Variants in ATXN7L1 observed in about 807,000 individuals in gnomAD.
ATXN7L1 encodes the protein ataxin 7 like 1.
In ATXN7L1, 15 loss-of-function variants were observed where a neutral mutation model predicts 70.8. That is an observed-to-expected ratio of 0.21 (90% CI 0.14 to 0.33). The LOEUF is 0.33. ATXN7L1 is among the 10% of genes least tolerant of loss of function. The pLI, the probability that ATXN7L1 is intolerant of heterozygous loss-of-function variation, is 1.00. For synonymous variants in ATXN7L1, 440 were observed against 445.1 expected (o/e 0.99, Z 0.14); for missense variants, 975 against 1,097.1 (o/e 0.89, Z 1.57).
chr7:105,831,183 C>A (rs1343312184), intron 2 of ATXN7L1, among the ~76,000 whole-genome samples: 1 of 152,222 alleles, frequency 6.6e-6, no homozygotes, highest in Non-Finnish European at 1.5e-5. Context: ...AAGCTCCACC[C>A]TGCCTGACCA....
chr7:105,831,849 G>T (rs963326415), intron 2 of ATXN7L1, among the ~76,000 whole-genome samples: 1 of 152,200 alleles, frequency 6.6e-6, no homozygotes, highest in Non-Finnish European at 1.5e-5. Context: ...GGGTGGGCTA[G>T]GCATGGGAAG....
chr7:105,658,598 T>C (rs1801066988), intron 4 of ATXN7L1, among the ~76,000 whole-genome samples: 1 of 148,274 alleles, frequency 6.7e-6, no homozygotes, highest in Non-Finnish European at 1.5e-5. Context: ...TGCCAGGATC[T>C]TGGCTCGCCG....
chr7:105,833,754 T>C (rs868048315), intron 2 of ATXN7L1, among the ~76,000 whole-genome samples: 2 of 152,200 alleles, frequency 1.3e-5, no homozygotes, highest in South Asian at 2.1e-4. Context: ...GAAAGCATGC[T>C]GATGCCTGAA....
chr7:105,649,638 C>T (rs1562951869), intron 4 of ATXN7L1: 3 of 922,996 alleles, frequency 3.3e-6, no homozygotes, highest in Non-Finnish European at 3.9e-6. Flanking sequence ...CAGCTGCCCA[C>T]CTGCCAGCTA....
At chr7:105,680,774 C>T (rs965684030) in intron 3 of ATXN7L1, among the ~76,000 whole-genome samples, 23 of 152,176 alleles carry the variant, frequency 1.5e-4, no homozygotes, top group African/African-American at 4.6e-4. Flanking sequence ...AGGGCAGGCC[C>T]GAGGCCTGGG....
chr7:105,787,826 T>C (rs888312438), intron 3 of ATXN7L1, among the ~76,000 whole-genome samples: 2 of 152,192 alleles, frequency 1.3e-5, no homozygotes, highest in Admixed American at 6.5e-5. Flanking sequence ...AATAAAAAGA[T>C]TGGGAGATAC....
In ATXN7L1 at chr7:105,777,018, C is replaced by A. The variant is rs116464034; in HGVS notation, c.355+11586G>T. 2.7e-3 allele frequency among the ~76,000 whole-genome samples: 407 copies of A among 152,304 alleles called. 1 individual carries two copies. The highest frequency in any genetic ancestry group is 9.5e-3 in the African/African-American group (396 of 41,568). On this transcript the variant is annotated intron_variant, in intron 3 of 11. Coordinates refer to ENST00000419735, the MANE Select transcript of ATXN7L1 (RefSeq NM_020725.2). Reference sequence around the variant, plus strand: ...CTCTTGACCTCAGGTGATCTACCCACCTTGGCCTATCCCAGACACTTCTGA... The same window carrying A: ...CTCTTGACCTCAGGTGATCTACCCAACTTGGCCTATCCCAGACACTTCTGA...
chr7:105,680,531 G>A (rs1342580014), intron 3 of ATXN7L1, among the ~76,000 whole-genome samples: 1 of 152,212 alleles, frequency 6.6e-6, no homozygotes, highest in Non-Finnish European at 1.5e-5. Flanking sequence ...TGTTTGGAAT[G>A]TAGTAGGGGG....
At chr7:105,801,418 C>T (rs929893950) in intron 2 of ATXN7L1, among the ~76,000 whole-genome samples, 1 of 152,142 alleles carries the variant, frequency 6.6e-6, no homozygotes, top group Admixed American at 6.5e-5. Flanking sequence ...GGTATGGAGT[C>T]GAGCAGAATG....
At chr7:105,695,625 G>A (rs1344394137) in intron 3 of ATXN7L1, among the ~76,000 whole-genome samples, 4 of 152,148 alleles carry the variant, frequency 2.6e-5, no homozygotes, top group Non-Finnish European at 5.9e-5. Context: ...GTATATCCAC[G>A]GTGCACCACT....
chr7:105,739,884 G>A (rs1229754193), intron 3 of ATXN7L1, among the ~76,000 whole-genome samples: 1 of 152,116 alleles, frequency 6.6e-6, no homozygotes, highest in Non-Finnish European at 1.5e-5. Context: ...TTTTGCCCCA[G>A]GTTCTAAAAG....
intron 2 of ATXN7L1, among the ~76,000 whole-genome samples, chr7:105,813,500 G>C (rs985197418): frequency 6.6e-6 from 1 of 152,062 alleles, no homozygotes; most frequent in African/African-American, 2.4e-5. Flanking sequence ...ACCACGCCCA[G>C]CTAATTTTGT....
At position 105,614,384 on chromosome 7, in the gene ATXN7L1, C is replaced by T. The variant is rs58062007; in HGVS notation, c.1950G>A (p.Ser650=). ...PSNKKRKPQS[S]TSSSSSSSSS... ...AGGAGGAGGAGGAGGAGGAGGAAGT[C>T]GAAGACTGTGGCTTCCTTTTTTTGT... Residue 650 remains serine (S), a synonymous_variant, in exon 10 of 12, where the codon TCG becomes TCA. Transcript: ENST00000419735. This position sits in a 1 kb window ranked among gnomAD's most constrained non-coding sequence, Gnocchi z 4.3. The T allele has an allele frequency of 3.2e-5, 49 of 1,551,930 alleles. No homozygotes were observed. Among genetic ancestry groups the T allele is most frequent in the East Asian group, 2.9e-4 (12 of 40,924 alleles).
rs578185228 is a variant in ATXN7L1 at position 105,828,010 on chromosome 7, A to C, written c.251-39302T>G. Among the ~76,000 whole-genome samples, 7 of 152,204 alleles carry C rather than the reference A, an allele frequency of 4.6e-5. No individual in the cohort carries two copies. In the South Asian group the frequency reaches 1.5e-3, roughly 32 times the overall value. On this transcript the variant is annotated intron_variant, in intron 2 of 11. Coordinates refer to ENST00000419735, the MANE Select transcript of ATXN7L1 (RefSeq NM_020725.2). ...GTGCCTCAAATTTAGGGGAAAAAAA[A>C]CAACTTTGTTTTCAGAGTGCTTGAA...
intron 10 of ATXN7L1, chr7:105,613,559 T>C: frequency 1.5e-6 from 2 of 1,308,588 alleles, no homozygotes; most frequent in Non-Finnish European, 2.0e-6. Context: ...TCAGAATCTC[T>C]CTGTGCCTCA....
chr7:105,756,864 C>G lies in ATXN7L1; in HGVS notation c.355+31740G>C, dbSNP rs79080358. On this transcript the variant is annotated intron_variant, in intron 3 of 11. Coordinates refer to ENST00000419735, the MANE Select transcript of ATXN7L1 (RefSeq NM_020725.2). The stretch of plus-strand genomic sequence containing the variant: ...CCCTAAATTATATGCTCCAGAGCTA[C>G]GGCACCTACATGATGGACAAAATAA... Among the ~76,000 whole-genome samples, 22 of 152,224 alleles carry G rather than the reference C, an allele frequency of 1.4e-4. 2 individuals carry two copies. The East Asian group carries it at 4.2e-3, about 29-fold the overall frequency.
At chr7:105,803,316 C>T (rs1807092260) in intron 2 of ATXN7L1, among the ~76,000 whole-genome samples, 1 of 152,240 alleles carries the variant, frequency 6.6e-6, no homozygotes, top group Non-Finnish European at 1.5e-5. Flanking sequence ...TTCTTCTCTG[C>T]CCTAGCTCTT....
chr7:105,870,900 T>G (rs1003281859), intron 2 of ATXN7L1, among the ~76,000 whole-genome samples: 1 of 152,158 alleles, frequency 6.6e-6, no homozygotes, highest in Non-Finnish European at 1.5e-5. Context: ...CACATTGGGT[T>G]TTGGACTCAG....
chr7:105,850,849 C>A (rs1814775844), intron 2 of ATXN7L1, among the ~76,000 whole-genome samples: 1 of 152,162 alleles, frequency 6.6e-6, no homozygotes, highest in Non-Finnish European at 1.5e-5. Context: ...AGCTGGAGGA[C>A]AAGATACAGA....
Sources: allele counts gnomAD v4.1 joint callset (sites outside exome capture counted in the v4.1 genomes callset), GRCh38; gene constraint gnomAD v4.1.1; non-coding constraint Gnocchi (gnomAD v3.1); transcripts MANE v1.5; gene names NCBI Gene and HGNC (gene_info 2026-07-23, HGNC 2026-07-21).